The following SIL1 variants were observed in gnomAD, a reference collection of about 807,000 sequenced individuals.
SIL1 encodes SIL1 nucleotide exchange factor, also known as nucleotide exchange factor SIL1.
A neutral mutation model predicts 49.1 loss-of-function variants in SIL1; 40 were observed. That is an observed-to-expected ratio of 0.81 (90% CI 0.63 to 1.06). SIL1 has a LOEUF of 1.06. Among genes scored for constraint, SIL1 ranks in the 50% least tolerant of loss-of-function variants. The pLI is 0.00. For synonymous variants in SIL1, 253 were observed against 250.8 expected, an observed-to-expected ratio of 1.01 and a Z score of -0.08; for missense variants, 500 against 572.6, an observed-to-expected ratio of 0.87 and a Z score of 1.29.
chr5:139,194,470 C>T (rs1752229365), intron 1 of SIL1, among the ~76,000 whole-genome samples: 1 of 152,218 alleles, frequency 6.6e-6, no homozygotes, highest in African/African-American at 2.4e-5. Flanking sequence ...GCTATTCCGT[C>T]TTTAGTCTAC....
chr5:139,195,475 C>T (rs1286709244), intron 1 of SIL1, among the ~76,000 whole-genome samples: 3 of 152,180 alleles, frequency 2.0e-5, no homozygotes, highest in Non-Finnish European at 2.9e-5. Flanking sequence ...GCAAGCTCCG[C>T]TTCCCAGGTT....
intron 1 of SIL1, among the ~76,000 whole-genome samples, chr5:139,164,875 C>T (rs916016124): frequency 6.6e-6 from 1 of 152,118 alleles, no homozygotes; most frequent in African/African-American, 2.4e-5. Flanking sequence ...TTTTATTTAA[C>T]CATGTATATT....
chr5:139,008,569 G>A (rs1178392882), intron 7 of SIL1, among the ~76,000 whole-genome samples: 1 of 146,318 alleles, frequency 6.8e-6, no homozygotes, highest in African/African-American at 2.6e-5. Flanking sequence ...GTCAATTTTG[G>A]ATCTTTCCTG....
intron 7 of SIL1, among the ~76,000 whole-genome samples, chr5:138,981,366 C>G (rs1411840153): frequency 2.6e-5 from 4 of 152,078 alleles, no homozygotes; most frequent in Non-Finnish European, 4.4e-5. Flanking sequence ...CCAAAAGATC[C>G]CTTGGCAAGA....
chr5:139,196,384 C>T (rs1319091900), intron 1 of SIL1: 1 of 152,180 alleles, frequency 6.6e-6, no homozygotes, highest in African/African-American at 2.4e-5. Context: ...TAAAGGAGAA[C>T]ATTCATTGGT....
chr5:139,022,998 T>C (rs1170086132), intron 6 of SIL1, among the ~76,000 whole-genome samples: 1 of 152,218 alleles, frequency 6.6e-6, no homozygotes, highest in African/African-American at 2.4e-5. Context: ...TATGAGTTCC[T>C]AGCAGAGCAG....
intron 3 of SIL1, among the ~76,000 whole-genome samples, chr5:139,053,692 G>C (rs1292896071): frequency 3.3e-5 from 5 of 152,088 alleles, no homozygotes; most frequent in African/African-American, 1.2e-4. Context: ...CCTCCTACCA[G>C]GGGGCCATTC....
intron 3 of SIL1, among the ~76,000 whole-genome samples, chr5:139,112,106 C>T (rs548698020): frequency 6.6e-6 from 1 of 152,236 alleles, no homozygotes; most frequent in South Asian, 2.1e-4. Flanking sequence ...CTCGGCCTCC[C>T]GAGGTGCCGG....
intron 7 of SIL1, among the ~76,000 whole-genome samples, chr5:139,011,452 C>T (rs1006108807): frequency 2.6e-5 from 4 of 152,130 alleles, no homozygotes; most frequent in African/African-American, 4.8e-5. Flanking sequence ...AGCTGTAGAC[C>T]GGAGCTGTTC....
intron 1 of SIL1, among the ~76,000 whole-genome samples, chr5:139,150,173 C>T (rs1205262753): frequency 2.0e-5 from 3 of 152,182 alleles, no homozygotes; most frequent in African/African-American, 7.2e-5. Context: ...GCCTAAACCC[C>T]AGCGGATAAC....
intron 7 of SIL1, among the ~76,000 whole-genome samples, chr5:138,966,437 C>T (rs1240811769): frequency 6.6e-6 from 1 of 152,080 alleles, no homozygotes; most frequent in South Asian, 2.1e-4. Flanking sequence ...AGCTACTGCT[C>T]CATCCTCAAC....
At chr5:139,114,615 A>G (rs1035621260) in intron 3 of SIL1, among the ~76,000 whole-genome samples, 6 of 152,334 alleles carry the variant, frequency 3.9e-5, no homozygotes, top group Admixed American at 1.3e-4. Flanking sequence ...GGGAGGGACC[A>G]GAAGTATAGG....
chr5:139,092,953 A>G (rs1079090), intron 3 of SIL1, among the ~76,000 whole-genome samples: 8,021 of 152,264 alleles, frequency 0.053, 686 homozygotes, highest in African/African-American at 0.18. Context: ...TAATGTCACT[A>G]TCACAGGAGT....
intron 3 of SIL1, among the ~76,000 whole-genome samples, chr5:139,091,072 G>A (rs1411753734): frequency 6.6e-6 from 1 of 152,092 alleles, no homozygotes; most frequent in African/African-American, 2.4e-5. Context: ...AGAAAGCATA[G>A]GTCAACTACT....
intron 3 of SIL1, among the ~76,000 whole-genome samples, chr5:139,062,388 G>A (rs764825224): frequency 6.6e-6 from 1 of 152,118 alleles, no homozygotes; most frequent in Non-Finnish European, 1.5e-5. Flanking sequence ...AGAGAATCTA[G>A]AATCTGGGCC....
intron 7 of SIL1, among the ~76,000 whole-genome samples, chr5:138,973,336 A>G (rs535134753): frequency 6.6e-6 from 1 of 152,194 alleles, no homozygotes; most frequent in Admixed American, 6.5e-5. Flanking sequence ...TTTTATAATA[A>G]GTAATTTAAA....
chr5:139,051,300 CA>C (rs1769279263), intron 3 of SIL1: 3 of 522,920 alleles, frequency 5.7e-6, no homozygotes, highest in Non-Finnish European at 6.9e-6. Flanking sequence ...ATCTAGAGAC[CA>C]ATGTCCCCCA....
At chr5:139,169,861 C>CCCTCTTTCCACAGTCTCCCTCTG (rs1554137118) in intron 1 of SIL1, among the ~76,000 whole-genome samples, 10 of 149,766 alleles carry the variant, frequency 6.7e-5, no homozygotes, top group Non-Finnish European at 1.3e-4. Flanking sequence ...GTCTCCCTCT[C>CCCTCTTTCCACAGTCTCCCTCTG]CCTCTTTCCA....
At chr5:139,151,810 G>GA (rs931343156) in intron 1 of SIL1, among the ~76,000 whole-genome samples, 187 of 151,318 alleles carry the variant, frequency 1.2e-3, no homozygotes, top group African/African-American at 3.9e-3. Flanking sequence ...TTGGTTAATG[G>GA]AAAAAAAAAC....
Sources: gnomAD v4.1 joint callset for allele counts (sites outside exome capture counted in the v4.1 genomes callset) on GRCh38, gnomAD v4.1.1 for gene constraint, MANE v1.5 for transcripts, NCBI Gene and HGNC (gene_info 2026-07-23, HGNC 2026-07-21) for gene names.